TBC1D16: variants seen among roughly 807,000 people sequenced by gnomAD.
The protein encoded by TBC1D16 is TBC1 domain family member 16.
In TBC1D16, 58 loss-of-function variants were observed where a neutral mutation model predicts 74.7. The ratio of observed to expected loss-of-function variants is 0.78; its 90% CI spans 0.63 to 0.97. TBC1D16 has a LOEUF of 0.97. TBC1D16 is among the 50% of genes least tolerant of loss of function. The pLI, the probability that TBC1D16 is intolerant of heterozygous loss-of-function variation, is 0.00. For missense variants in TBC1D16, 1,014 were observed against 1,079.5 expected (o/e 0.94, Z 0.85); for synonymous variants, 493 against 474.7 (o/e 1.04, Z -0.50).
At chr17:79,999,249 C>T (rs1478888642) in intron 3 of TBC1D16, among the ~76,000 whole-genome samples, 2 of 150,524 alleles carry the variant, frequency 1.3e-5, no homozygotes, top group Non-Finnish European at 3.0e-5. Flanking sequence ...GAGTGAGACA[C>T]TGTCTCAAAA....
In TBC1D16 at chr17:79,986,572, C is replaced by T. The variant is rs755767184; in HGVS notation, c.779+23588G>A. Among the ~76,000 whole-genome samples the T allele has an allele frequency of 5.9e-5, 9 of 152,284 alleles. No homozygotes were observed. The highest frequency in any genetic ancestry group is 1.0e-4 in the Non-Finnish European group (7 of 68,022). ...AGAGACCACACGTGCCGCCCCCTGC[C>T]GAAGCCTGGCCTTTGAAGGATGAAC... is the stretch of plus-strand genomic sequence containing the variant. On this transcript the variant is annotated intron_variant, in intron 3 of 11. Coordinates refer to ENST00000310924, the MANE Select transcript of TBC1D16 (RefSeq NM_019020.4). This position sits in a 1 kb window ranked among gnomAD's most constrained non-coding sequence, Gnocchi z 6.0.
chr17:79,936,939 T>TGTGTGTGTGCGC lies in TBC1D16; in HGVS notation c.*3919_*3920insGCGCACACACAC, dbSNP rs869274383. 4 of 148,954 alleles carry TGTGTGTGTGCGC rather than the reference T, an allele frequency of 2.7e-5. 1 individual carries two copies. Among genetic ancestry groups the TGTGTGTGTGCGC allele is most frequent in the Middle Eastern group, 3.4e-3 (1 of 292 alleles). The allele number at this position is 148,954 out of a possible 1,614,324, so 9.2% of individuals were successfully genotyped here. On this transcript the variant is annotated 3_prime_UTR_variant, in exon 12 of 12. Coordinates refer to ENST00000310924, the MANE Select transcript of TBC1D16 (RefSeq NM_019020.4). ...GTGTGTGTGTGTGTGTGTGTGTGTG[T>TGTGTGTGTGCGC]GCGCATTTTCCCAGGGGACCTCTCC...
Position 79,950,923 on chromosome 17 carries a change from T to TA in TBC1D16, c.1090-346dup. On this transcript the variant is annotated intron_variant, in intron 5 of 11. Transcript: ENST00000310924. The surrounding 1 kb of genome is among the most constrained non-coding windows in gnomAD (Gnocchi z 4.6). ...AATGAATTACATGTGATTGGCCACA[T>TA]ACAAAGGGATCGCTGTTCTGCGAGC... The TA allele has an allele frequency of 1.5e-6, 2 of 1,334,874 alleles. No individual in the cohort carries two copies. Among genetic ancestry groups the TA allele is most frequent in the Non-Finnish European group, 2.0e-6 (2 of 999,364 alleles). The allele number at this position is 1,334,874 out of a possible 1,614,324, so 82.7% of individuals were successfully genotyped here. A position where few individuals can be genotyped will look rare whatever the true frequency, so the allele number is the denominator to read the frequency against.
In TBC1D16 at chr17:79,940,135, G is replaced by A. The variant is rs1245568059; in HGVS notation, c.*724C>T. 1 of 152,224 alleles carries A rather than the reference G, an allele frequency of 6.6e-6. No homozygotes were observed. The highest frequency in any genetic ancestry group is 1.5e-5 in the Non-Finnish European group (1 of 68,030). 9.4% of individuals were successfully genotyped at this position (152,224 alleles called of 1,614,324 possible). On this transcript the variant is annotated 3_prime_UTR_variant, in exon 12 of 12. Transcript: ENST00000310924. This position sits in a 1 kb window ranked among gnomAD's most constrained non-coding sequence, Gnocchi z 5.4. ...GCATCAGATGCTTCTCCAACAGCCT[G>A]AGGCTCAGGCTCCTGGGCAGACAGT...
At chr17:79,945,241 C>T (rs1025441392) in intron 9 of TBC1D16, among the ~76,000 whole-genome samples, 154 bp from the exon 10 acceptor site, 13 of 152,238 alleles carry the variant, frequency 8.5e-5, no homozygotes, top group Non-Finnish European at 1.6e-4. Flanking sequence ...GCCCCCCCAA[C>T]GCTCCATTCC....
chr17:79,946,485 G>A (rs2032551066), intron 9 of TBC1D16, among the ~76,000 whole-genome samples: 1 of 152,196 alleles, frequency 6.6e-6, no homozygotes. Flanking sequence ...GCCTGGGAGT[G>A]GGGATCCCAT....
intron 3 of TBC1D16, among the ~76,000 whole-genome samples, chr17:79,953,684 C>T (rs1490125906): frequency 6.6e-6 from 1 of 152,240 alleles, no homozygotes; most frequent in African/African-American, 2.4e-5. Flanking sequence ...TTGTTACATT[C>T]CAAATTGCAA....
intron 3 of TBC1D16, among the ~76,000 whole-genome samples, chr17:79,978,207 C>A (rs1010632029): frequency 2.0e-5 from 3 of 152,154 alleles, no homozygotes; most frequent in African/African-American, 7.2e-5. Flanking sequence ...CCAAGCGGGG[C>A]GGGGATGAAT....
Position 80,000,628 on chromosome 17 carries a change from G to A in TBC1D16, c.779+9532C>T, listed in dbSNP as rs571333291. ...CACAGCAGCCCCAGGACACTGATAC[G>A]AGCACGTCCAACGGGGCTGGCAACT... is the stretch of plus-strand genomic sequence containing the variant. On this transcript the variant is annotated intron_variant, in intron 3 of 11. Transcript: ENST00000310924. The surrounding 1 kb of genome is among the most constrained non-coding windows in gnomAD (Gnocchi z 4.1). 2.6e-5 allele frequency among the ~76,000 whole-genome samples: 4 copies of A among 152,304 alleles called. No individual in the cohort carries two copies. In the East Asian group the frequency reaches 5.8e-4, roughly 22 times the overall value.
intron 1 of TBC1D16, among the ~76,000 whole-genome samples, chr17:80,018,763 G>A (rs1020216446): frequency 2.0e-5 from 3 of 149,214 alleles, no homozygotes; most frequent in Non-Finnish European, 2.9e-5. Flanking sequence ...ACCAGGTCCC[G>A]CTAATTTTTT....
intron 1 of TBC1D16, chr17:80,026,104 AT>A (rs2036575207): frequency 6.7e-6 from 1 of 150,168 alleles, no homozygotes; most frequent in Non-Finnish European, 1.5e-5. Context: ...ATACACCTAA[AT>A]AATGGAGGAT....
intron 3 of TBC1D16, among the ~76,000 whole-genome samples, chr17:79,984,623 A>G (rs1328178361): frequency 1.8e-4 from 26 of 142,810 alleles, no homozygotes; most frequent in African/African-American, 6.8e-4. Context: ...GAGGGAGTGA[A>G]GGAAGGAAGG....
At chr17:80,022,212 G>A (rs944160084) in intron 1 of TBC1D16, among the ~76,000 whole-genome samples, 1 of 149,914 alleles carries the variant, frequency 6.7e-6, no homozygotes, top group Non-Finnish European at 1.5e-5. Context: ...CTAAAGTATC[G>A]AGCAGTTCAT....
chr17:80,025,038 CCATGACACA>C (rs1399764362), intron 1 of TBC1D16, among the ~76,000 whole-genome samples: 1 of 111,660 alleles, frequency 9.0e-6, no homozygotes, highest in Non-Finnish European at 1.8e-5. Context: ...TGCACACATA[CCATGACACA>C]ACCAGGCACA....
chr17:79,947,427 C>T (rs954067755), intron 9 of TBC1D16, among the ~76,000 whole-genome samples: 2 of 152,164 alleles, frequency 1.3e-5, no homozygotes, highest in Non-Finnish European at 1.5e-5. Flanking sequence ...GCCCACACAA[C>T]GCGGCCTCTG....
At chr17:80,023,811 G>C (rs1265949006) in intron 1 of TBC1D16, 1 of 150,234 alleles carries the variant, frequency 6.7e-6, no homozygotes, top group Non-Finnish European at 1.5e-5. Flanking sequence ...CCCAGCTGGC[G>C]CCTCCAGCCC....
At chr17:80,021,481 G>T (rs2036280098) in intron 1 of TBC1D16, among the ~76,000 whole-genome samples, 1 of 149,660 alleles carries the variant, frequency 6.7e-6, no homozygotes, top group Non-Finnish European at 1.5e-5. Context: ...GTTCACTTGT[G>T]AATTATCTGT....
chr17:79,977,589 A>G (rs1172497305), intron 3 of TBC1D16, among the ~76,000 whole-genome samples: 1 of 152,206 alleles, frequency 6.6e-6, no homozygotes, highest in Non-Finnish European at 1.5e-5. Flanking sequence ...CACCTGTGAG[A>G]CGGCGATGAG....
At position 79,944,205 on chromosome 17, in the gene TBC1D16, A is replaced by C. The variant is rs2032304462; in HGVS notation, c.1908+703T>G. The C allele has an allele frequency of 6.7e-7, 1 of 1,489,452 alleles. No homozygotes were observed. Among genetic ancestry groups the C allele is most frequent in the African/African-American group, 1.4e-5 (1 of 72,220 alleles). The allele number at this position is 1,489,452 out of a possible 1,614,324, so 92.3% of individuals were successfully genotyped here. A position where few individuals can be genotyped will look rare whatever the true frequency, so the allele number is the denominator to read the frequency against. ...AGGGTTCTCTGACGGAGGCTGCTGG[A>C]GCTGCCGTGGTGGATAGAGCCAGCT... On this transcript the variant is annotated intron_variant, in intron 10 of 11. Transcript: ENST00000310924. This position sits in a 1 kb window ranked among gnomAD's most constrained non-coding sequence, Gnocchi z 7.7.
Sources: allele counts gnomAD v4.1 joint callset (sites outside exome capture counted in the v4.1 genomes callset), GRCh38; gene constraint gnomAD v4.1.1; non-coding constraint Gnocchi (gnomAD v3.1); transcripts MANE v1.5; gene names NCBI Gene and HGNC (gene_info 2026-07-23, HGNC 2026-07-21).